The following USP7 variants were observed in gnomAD, a reference collection of about 807,000 sequenced individuals.
The protein encoded by USP7 is ubiquitin specific peptidase 7.
A neutral mutation model predicts 162.9 loss-of-function variants in USP7; 9 were observed. The observed-to-expected ratio is 0.06, with a 90% CI of 0.03 to 0.10. The LOEUF (loss-of-function observed/expected upper bound fraction) is 0.10. Ranked by LOEUF, USP7 falls within the 10% of genes least tolerant of loss-of-function variation. The pLI, the probability that USP7 is intolerant of heterozygous loss-of-function variation, is 1.00. For missense variants in USP7, 715 were observed against 1,373.7 expected, an observed-to-expected ratio of 0.52 and a Z score of 7.58; for synonymous variants, 562 against 475.9, an observed-to-expected ratio of 1.18 and a Z score of -2.35.
chr16:8,957,049 G>A (rs1449965715), intron 1 of USP7, among the ~76,000 whole-genome samples: 9 of 152,144 alleles, frequency 5.9e-5, no homozygotes, highest in African/African-American at 2.2e-4. Flanking sequence ...CCCTGCTCTG[G>A]CTCAGGTTGG....
intron 6 of USP7, among the ~76,000 whole-genome samples, chr16:8,918,430 A>G (rs1897499154): frequency 1.3e-5 from 2 of 152,226 alleles, no homozygotes; most frequent in Non-Finnish European, 2.9e-5. Context: ...TTTTTATATA[A>G]AACTTTGCAA....
At chr16:8,926,077 C>T (rs890127359) in intron 2 of USP7, among the ~76,000 whole-genome samples, 1 of 151,944 alleles carries the variant, frequency 6.6e-6, no homozygotes, top group Non-Finnish European at 1.5e-5. Flanking sequence ...TGGCGTGAAC[C>T]CGGGAGGCGA....
rs527382597 is a variant in USP7 at position 8,915,539 on chromosome 16, T to C, written c.907-14A>G. 1 of 1,611,130 alleles carries C rather than the reference T, an allele frequency of 6.2e-7. No individual in the cohort carries two copies. The highest frequency in any genetic ancestry group is 8.5e-7 in the Non-Finnish European group (1 of 1,179,368). On this transcript the variant is annotated splice_polypyrimidine_tract_variant and intron_variant, in intron 8 of 30. Transcript: ENST00000344836. ...ATTATCGAGCAACTGAAAAAGAATG[T>C]TTTGGCTTTAAAAAAACTTTTTTGT...
At chr16:8,943,256 G>C (rs971498966) in intron 1 of USP7, among the ~76,000 whole-genome samples, 4 of 152,106 alleles carry the variant, frequency 2.6e-5, no homozygotes, top group Non-Finnish European at 5.9e-5. Flanking sequence ...CTGATGATTG[G>C]TTTTAATGCT....
At chr16:8,897,159 AAAGG>A (rs2061694560) in intron 25 of USP7, 60 bp from the exon 26 acceptor site, 2 of 1,300,966 alleles carry the variant, frequency 1.5e-6, no homozygotes, top group South Asian at 1.2e-5. Flanking sequence ...CTGCTACCAC[AAAGG>A]AAGAGAGGAG....
intron 16 of USP7, among the ~76,000 whole-genome samples, chr16:8,902,798 G>A (rs1338687773): frequency 6.6e-6 from 1 of 152,008 alleles, no homozygotes; most frequent in Non-Finnish European, 1.5e-5. Flanking sequence ...TGAGGCAGGA[G>A]AATTGCTTGA....
At chr16:8,895,002 G>T in intron 28 of USP7, 29 bp downstream of exon 28, 7 of 1,614,130 alleles carry the variant, frequency 4.3e-6, no homozygotes, top group Non-Finnish European at 5.9e-6. Flanking sequence ...GTTTTGACGT[G>T]AGCCACTCGG....
intron 5 of USP7, among the ~76,000 whole-genome samples, chr16:8,919,431 C>A (rs1269111502): frequency 2.0e-5 from 3 of 152,096 alleles, no homozygotes; most frequent in Non-Finnish European, 2.9e-5. Flanking sequence ...CCTGCATGCT[C>A]ACACCCAACA....
rs750145582 is a variant in USP7 at position 8,901,169 on chromosome 16, T to C, written c.2113A>G (p.Ile705Val). The C allele has an allele frequency of 1.7e-5, 27 of 1,613,968 alleles. No homozygotes were observed. The East Asian group carries it at 5.8e-4, about 35-fold the overall frequency. The change falls in exon 19 of 31, where the codon ATC becomes GTC. Residue 705 changes from isoleucine to valine, a missense_variant. Physicochemically the swap from Ile to Val is conservative, Grantham distance 29. Coordinates refer to ENST00000344836, the MANE Select transcript of USP7 (RefSeq NM_003470.3). ...KTRSLNYCGH[I>V]YTPISCKIRD... ...ATTTTACAGGATATTGGTGTGTAGA[T>C]ATGCCCACAGTAATTCAAGCTCCGC...
chr16:8,900,722 ACACCCAATTCTATC>A, intron 20 of USP7, 92 bp from the exon 21 acceptor site: 1 of 919,336 alleles, frequency 1.1e-6, no homozygotes, highest in Non-Finnish European at 1.6e-6. Flanking sequence ...TATTTTCTCT[ACACCCAATTCTATC>A]CACCTTTTAA....
intron 1 of USP7, 108 bp downstream of exon 1, chr16:8,963,099 C>G: frequency 2.8e-6 from 3 of 1,061,240 alleles, no homozygotes; most frequent in Non-Finnish European, 3.5e-6. Context: ...CCGGCGGCCG[C>G]CCGGGGCCTG....
At chr16:8,938,228 G>T (rs1225572740) in intron 1 of USP7, among the ~76,000 whole-genome samples, 2 of 151,718 alleles carry the variant, frequency 1.3e-5, no homozygotes, top group African/African-American at 4.8e-5. Flanking sequence ...AAATAACCTG[G>T]ATTCCTGTAG....
At chr16:8,925,853 A>G (rs79294513) in intron 2 of USP7, among the ~76,000 whole-genome samples, 4,322 of 152,344 alleles carry the variant, frequency 0.028, 204 homozygotes, top group African/African-American at 0.099. Flanking sequence ...TACTAGCAGA[A>G]TAATTGAAAA....
intron 21 of USP7, chr16:8,900,004 A>G: frequency 1.8e-6 from 1 of 561,812 alleles, no homozygotes; most frequent in Non-Finnish European, 3.1e-6. Context: ...ACAAAACAAA[A>G]CCCCCTTAGG....
chr16:8,943,618 T>C (rs984494007), intron 1 of USP7, among the ~76,000 whole-genome samples: 1 of 152,172 alleles, frequency 6.6e-6, no homozygotes. Flanking sequence ...GGATTAACGG[T>C]GAAAAGCAAT....
chr16:8,927,975 T>A, intron 2 of USP7, among the ~76,000 whole-genome samples: 1 of 152,212 alleles, frequency 6.6e-6, no homozygotes, highest in Non-Finnish European at 1.5e-5. Flanking sequence ...TGACATCCCA[T>A]CACTACAAAC....
rs1441209197 is a variant in USP7 at position 8,894,550 on chromosome 16, C to T, written c.3202G>A (p.Gly1068Ser). Residue 1068 changes from glycine (G) to serine (S), a missense_variant and splice_region_variant, in exon 30 of 31, where the codon GGT becomes AGT. Around this residue, in one of 11 missense-constraint regions of USP7, gnomAD observed 222 missense variants for 441.7 expected, o/e 0.50. Coordinates refer to ENST00000344836, the MANE Select transcript of USP7 (RefSeq NM_003470.3). ...VNLKDFEPQP[G>S]NMSHPRPWLG... is the part of the protein sequence containing the mutation. The stretch of plus-strand genomic sequence containing the variant: ...CCCCCGGGGGGGGGAGAACCCTTAC[C>T]GGGCTGTGGCTCAAAGTCTTTCAAA... 1.2e-6 allele frequency: 2 copies of T among 1,611,828 alleles called. No homozygotes were observed. Among genetic ancestry groups the T allele is most frequent in the Admixed American group, 1.7e-5 (1 of 60,000 alleles).
chr16:8,915,238 TACAC>T lies in USP7; in HGVS notation c.1078+12_1078+15del. On this transcript the variant is annotated intron_variant, in intron 10 of 30. Transcript: ENST00000344836. ...ATCATCAAAAGATCATGCCATTAGATACACACAACACTTACTATTTTTCTTTCCT... is the reference window on the plus strand; with the variant it reads ...ATCATCAAAAGATCATGCCATTAGATACAACACTTACTATTTTTCTTTCCT... 2.5e-6 allele frequency: 4 copies of T among 1,573,468 alleles called. No individual in the cohort carries two copies. Among genetic ancestry groups the T allele is most frequent in the Middle Eastern group, 2.2e-4 (1 of 4,550 alleles).
intron 1 of USP7, among the ~76,000 whole-genome samples, chr16:8,950,279 T>C (rs944864040): frequency 1.3e-5 from 2 of 151,906 alleles, no homozygotes; most frequent in Admixed American, 6.6e-5. Flanking sequence ...GCTTGCAGAG[T>C]AGAAGACACA....
Sources: gnomAD v4.1 joint callset for allele counts (sites outside exome capture counted in the v4.1 genomes callset) on GRCh38, gnomAD v4.1.1 for gene constraint, gnomAD v4.1.1 regional missense constraint, MANE v1.5 for transcripts, NCBI Gene and HGNC (gene_info 2026-07-23, HGNC 2026-07-21) for gene names.